Variants in USH2A observed in about 807,000 individuals in gnomAD.
The protein encoded by USH2A is usherin, also known as Usher syndrome 2A (autosomal recessive, mild).
USH2A carries 443 observed loss-of-function variants against 538.9 expected under a neutral mutation model. The observed-to-expected ratio is 0.82, with a 90% CI of 0.76 to 0.89. The LOEUF is 0.89. USH2A is among the 40% of genes least tolerant of loss of function. The pLI is 0.00. For missense variants in USH2A, 6,633 were observed against 6,324.8 expected (o/e 1.05, Z -1.65); for synonymous variants, 2,413 against 2,273.5 (o/e 1.06, Z -1.75).
intron 11 of USH2A, among the ~76,000 whole-genome samples, chr1:216,282,475 A>G: frequency 6.6e-6 from 1 of 152,234 alleles, no homozygotes; most frequent in Non-Finnish European, 1.5e-5. Flanking sequence ...ACCATTTGTT[A>G]AAACGACTAC....
intron 61 of USH2A, among the ~76,000 whole-genome samples, chr1:215,711,100 T>C (rs1009848569): frequency 3.3e-5 from 5 of 152,276 alleles, no homozygotes; most frequent in Middle Eastern, 3.4e-3. Context: ...GGCAGACATA[T>C]AGAAGCATAT....
At chr1:216,258,337 C>T (rs569412155) in intron 11 of USH2A, among the ~76,000 whole-genome samples, 7 of 152,174 alleles carry the variant, frequency 4.6e-5, no homozygotes, top group Non-Finnish European at 5.9e-5. Context: ...TAAATTTTCT[C>T]GCCAGTTCAG....
chr1:215,930,403 G>GA (rs550396707), intron 38 of USH2A, among the ~76,000 whole-genome samples: 2 of 150,378 alleles, frequency 1.3e-5, no homozygotes, highest in Non-Finnish European at 3.0e-5. Flanking sequence ...AGTTCATCTG[G>GA]AAAAAAAAAG....
chr1:215,792,907 G>C (rs889579309), intron 50 of USH2A, among the ~76,000 whole-genome samples: 1 of 152,188 alleles, frequency 6.6e-6, no homozygotes, highest in Non-Finnish European at 1.5e-5. Flanking sequence ...TTGTACAAAA[G>C]GTGGAGTGTG....
chr1:216,086,566 T>C (rs528477070), intron 24 of USH2A, among the ~76,000 whole-genome samples, 153 bp downstream of exon 24: 1 of 151,950 alleles, frequency 6.6e-6, no homozygotes, highest in South Asian at 2.1e-4. Context: ...ATGGTTCCTT[T>C]AAAAAAAAGA....
At chr1:216,113,632 G>A (rs186819235) in intron 21 of USH2A, among the ~76,000 whole-genome samples, 6 of 152,052 alleles carry the variant, frequency 3.9e-5, no homozygotes, top group Admixed American at 2.0e-4. Flanking sequence ...ATCTGTAAGC[G>A]TTTTTTCCAC....
chr1:216,120,272 C>G (rs989236503), intron 21 of USH2A, among the ~76,000 whole-genome samples: 17 of 146,858 alleles, frequency 1.2e-4, no homozygotes, highest in African/African-American at 4.0e-4. Flanking sequence ...CTGTGGCTCA[C>G]GCCTGTAATC....
chr1:216,073,308 A>G lies in USH2A; in HGVS notation c.5573-8T>C. 6.2e-7 allele frequency: 1 copy of G among 1,602,136 alleles called. No individual in the cohort carries two copies. Among genetic ancestry groups the G allele is most frequent in the Middle Eastern group, 1.7e-4 (1 of 6,032 alleles). ...TCATGCAACCACCGAAACCTAGCAA[A>G]TAGTAAGGGATTAGTATCGCATAAA... is the stretch of plus-strand genomic sequence containing the variant. On this transcript the variant is annotated splice_polypyrimidine_tract_variant and splice_region_variant and intron_variant, in intron 27 of 71. Transcript: ENST00000307340.
intron 24 of USH2A, among the ~76,000 whole-genome samples, chr1:216,085,719 A>C (rs867326152): frequency 1.9e-4 from 28 of 143,636 alleles, no homozygotes; most frequent in African/African-American, 7.1e-4. Flanking sequence ...TGTGTACGTG[A>C]GTGTGTGTGT....
intron 58 of USH2A, among the ~76,000 whole-genome samples, chr1:215,752,784 G>C (rs2102736107): frequency 6.6e-6 from 1 of 152,206 alleles, no homozygotes; most frequent in South Asian, 2.1e-4. Context: ...GTCCTGAATG[G>C]TATTGCCTAG....
At chr1:215,659,038 G>C (rs1657356828) in intron 64 of USH2A, among the ~76,000 whole-genome samples, 1 of 152,144 alleles carries the variant, frequency 6.6e-6, no homozygotes, top group Admixed American at 6.5e-5. Context: ...CTATGAGCTG[G>C]GGATACAACA....
chr1:215,805,547 A>G (rs1662476023), intron 49 of USH2A, among the ~76,000 whole-genome samples: 1 of 152,078 alleles, frequency 6.6e-6, no homozygotes, highest in Non-Finnish European at 1.5e-5. Flanking sequence ...ACTCAATGCC[A>G]CTGAATTGTG....
chr1:215,899,561 C>G (rs566500418), intron 40 of USH2A, among the ~76,000 whole-genome samples: 2 of 152,250 alleles, frequency 1.3e-5, no homozygotes, highest in East Asian at 3.9e-4. Context: ...ATAAAGAAAT[C>G]TTAATCCACC....
Position 216,017,954 on chromosome 1 carries a change from A to G in USH2A, c.6326-17392T>C, listed in dbSNP as rs556391911. On this transcript the variant is annotated intron_variant, in intron 32 of 71. Transcript: ENST00000307340. ...AGATATCTCTTTTGGGTGGCAAGAC[A>G]TACACATTTCTTTTTTGGCATAGTC... Among the ~76,000 whole-genome samples, 49 of 152,318 alleles carry G rather than the reference A, an allele frequency of 3.2e-4. 2 individuals are homozygous for G. In the South Asian group the frequency reaches 9.9e-3, roughly 31 times the overall value.
At chr1:216,368,421 C>A (rs1256095122) in intron 3 of USH2A, among the ~76,000 whole-genome samples, 1 of 152,132 alleles carries the variant, frequency 6.6e-6, no homozygotes, top group Non-Finnish European at 1.5e-5. Flanking sequence ...CTCCTGCTGG[C>A]CATCAGAACT....
chr1:215,811,369 T>C (rs1273567859), intron 49 of USH2A, among the ~76,000 whole-genome samples: 1 of 152,170 alleles, frequency 6.6e-6, no homozygotes, highest in African/African-American at 2.4e-5. Flanking sequence ...TTGTAAAACC[T>C]AAGATTGGTG....
chr1:215,927,769 A>T (rs1313338483), intron 38 of USH2A, among the ~76,000 whole-genome samples: 1 of 152,098 alleles, frequency 6.6e-6, no homozygotes, highest in Admixed American at 6.6e-5. Flanking sequence ...ACATAATATA[A>T]AAGATGGAAT....
At position 216,421,888 on chromosome 1, in the gene USH2A, A is replaced by G; in HGVS notation, c.449T>C (p.Leu150Ser). ...TTGCTCAGGTTTCAGCCATACAGCTAAGGTAAATGATGCCATCAGCTTTGG... is the reference window on the plus strand; with the variant it reads ...TTGCTCAGGTTTCAGCCATACAGCTGAGGTAAATGATGCCATCAGCTTTGG... ...PSPKLMASFT[L>S]AVWLKPEQQG... is the part of the protein sequence containing the mutation. Residue 150 changes from leucine to serine, a missense_variant, in exon 2 of 72, where the codon TTA (leucine) becomes TCA (serine). Coordinates refer to ENST00000307340, the MANE Select transcript of USH2A (RefSeq NM_206933.4). The G allele has an allele frequency of 1.2e-6, 2 of 1,613,942 alleles. No individual in the cohort carries two copies. Among genetic ancestry groups the G allele is most frequent in the Non-Finnish European group, 1.7e-6 (2 of 1,179,884 alleles).
intron 38 of USH2A, among the ~76,000 whole-genome samples, chr1:215,933,013 A>G (rs1050937784): frequency 7.9e-5 from 12 of 151,990 alleles, no homozygotes; most frequent in African/African-American, 2.9e-4. Flanking sequence ...AAAAACATAA[A>G]CAATGAATTA....
Sources: gnomAD v4.1 joint callset for allele counts (sites outside exome capture counted in the v4.1 genomes callset) on GRCh38, gnomAD v4.1.1 for gene constraint, MANE v1.5 for transcripts, NCBI Gene and HGNC (gene_info 2026-07-23, HGNC 2026-07-21) for gene names.